The following ADARB2 variants were observed in gnomAD, a reference collection of about 807,000 sequenced individuals.
ADARB2 encodes the protein inactive double-stranded RNA-specific editase B2.
ADARB2 carries 25 observed loss-of-function variants against 62.2 expected under a neutral mutation model. That is an observed-to-expected ratio of 0.40 (90% CI 0.29 to 0.56). The LOEUF is 0.56. Among genes scored for constraint, ADARB2 ranks in the 20% least tolerant of loss-of-function variants. The probability of loss-of-function intolerance (pLI) is 0.43; values close to 1 mark genes in which losing one functional copy is unlikely to be tolerated. For synonymous variants in ADARB2, 572 were observed against 500.8 expected (o/e 1.14, Z -1.90); for missense variants, 1,071 against 1,077.4 (o/e 0.99, Z 0.08).
intron 3 of ADARB2, among the ~76,000 whole-genome samples, chr10:1,353,559 G>A (rs928023796): frequency 1.3e-5 from 2 of 151,992 alleles, no homozygotes; most frequent in Admixed American, 6.6e-5. Context: ...GCCCTCCTCC[G>A]CACTTACTTA....
At chr10:1,618,664 G>A (rs1025112023) in intron 1 of ADARB2, among the ~76,000 whole-genome samples, 1 of 151,988 alleles carries the variant, frequency 6.6e-6, no homozygotes, top group Non-Finnish European at 1.5e-5. Flanking sequence ...CCCCTCTCAG[G>A]CTCCCAAAAG....
chr10:1,395,953 C>A (rs1170178494), intron 1 of ADARB2, among the ~76,000 whole-genome samples: 1 of 152,254 alleles, frequency 6.6e-6, no homozygotes, highest in Non-Finnish European at 1.5e-5. Context: ...ACCCTCCTAG[C>A]AGGGTGCCCT....
chr10:1,351,209 C>T (rs1014759367), intron 3 of ADARB2, among the ~76,000 whole-genome samples: 1 of 152,212 alleles, frequency 6.6e-6, no homozygotes, highest in African/African-American at 2.4e-5. Flanking sequence ...CTCGGCTTAG[C>T]GCTTGAAGAC....
chr10:1,583,266 T>C (rs1234606186), intron 1 of ADARB2, among the ~76,000 whole-genome samples: 1 of 152,220 alleles, frequency 6.6e-6, no homozygotes, highest in African/African-American at 2.4e-5. Flanking sequence ...GGGGTCACTG[T>C]CATAAAAACA....
At chr10:1,215,964 G>A (rs1322079984) in intron 7 of ADARB2, 1 of 151,830 alleles carries the variant, frequency 6.6e-6, no homozygotes, top group African/African-American at 2.4e-5. Context: ...ATCCACGTTG[G>A]GGAGGCCTCA....
At chr10:1,441,188 A>G (rs1423820582) in intron 1 of ADARB2, among the ~76,000 whole-genome samples, 1 of 152,224 alleles carries the variant, frequency 6.6e-6, no homozygotes, top group Non-Finnish European at 1.5e-5. Context: ...TTCATTATGC[A>G]TTTAGAGAAG....
intron 1 of ADARB2, among the ~76,000 whole-genome samples, chr10:1,576,326 CAG>C (rs1274686329): frequency 1.4e-5 from 2 of 147,908 alleles, no homozygotes; most frequent in African/African-American, 5.0e-5. Context: ...GGATGGGTCT[CAG>C]GGTCACAGGA....
At chr10:1,723,857 C>T (rs1356304770) in intron 1 of ADARB2, among the ~76,000 whole-genome samples, 4 of 152,254 alleles carry the variant, frequency 2.6e-5, no homozygotes, top group South Asian at 4.1e-4. Flanking sequence ...ACCCTGGAGA[C>T]GTGATGGTTT....
chr10:1,254,940 T>C (rs1272404664), intron 4 of ADARB2, among the ~76,000 whole-genome samples: 1 of 152,258 alleles, frequency 6.6e-6, no homozygotes, highest in African/African-American at 2.4e-5. Flanking sequence ...ATGCTGACTC[T>C]GTCCAACTGT....
At chr10:1,581,725 G>T (rs1384486294) in intron 1 of ADARB2, among the ~76,000 whole-genome samples, 2 of 152,112 alleles carry the variant, frequency 1.3e-5, no homozygotes, top group African/African-American at 2.4e-5. Flanking sequence ...AGCACATACA[G>T]ATGAGAGAAC....
chr10:1,568,254 T>C (rs932535788), intron 1 of ADARB2, among the ~76,000 whole-genome samples: 5 of 151,994 alleles, frequency 3.3e-5, no homozygotes, highest in African/African-American at 1.2e-4. Flanking sequence ...CCTATATTGG[T>C]CTAGATGGAG....
In ADARB2 at chr10:1,507,920, G is replaced by A. The variant is rs1831872590; in HGVS notation, c.101-128760C>T. Among the ~76,000 whole-genome samples, 5 of 152,134 alleles carry A rather than the reference G, an allele frequency of 3.3e-5. No individual in the cohort carries two copies. The South Asian group carries it at 1.0e-3, about 32-fold the overall frequency. On this transcript the variant is annotated intron_variant, in intron 1 of 9. Coordinates refer to ENST00000381312, the MANE Select transcript of ADARB2 (RefSeq NM_018702.4). Reference sequence around the variant, plus strand: ...GACAGGCAGCGATGGCTCTTCCACTGGCCTCTGGGTCCTTCAGAACTAGTA... The same window carrying A: ...GACAGGCAGCGATGGCTCTTCCACTAGCCTCTGGGTCCTTCAGAACTAGTA...
intron 1 of ADARB2, among the ~76,000 whole-genome samples, chr10:1,732,701 TGGCCAGCCA>T (rs1309895914): frequency 6.6e-6 from 1 of 152,210 alleles, no homozygotes; most frequent in East Asian, 1.9e-4. Context: ...ACTGTGTCCC[TGGCCAGCCA>T]GGGTGACACC....
rs1835314558 is a variant in ADARB2 at position 1,737,298 on chromosome 10, G to C, written c.-148C>G. The stretch of plus-strand genomic sequence containing the variant: ...TTTTCAGGACTGAGCAGGAAAGCGC[G>C]CTCCGTCTCTCTGTCTCTCGAATTG... On this transcript the variant is annotated 5_prime_UTR_variant, in exon 1 of 10. Coordinates refer to ENST00000381312, the MANE Select transcript of ADARB2 (RefSeq NM_018702.4). 1.4e-6 allele frequency: 1 copy of C among 713,094 alleles called. No individual in the cohort carries two copies. The highest frequency in any genetic ancestry group is 2.7e-5 in the East Asian group (1 of 36,792). 44.2% of individuals were successfully genotyped at this position (713,094 alleles called of 1,614,324 possible). A position where few individuals can be genotyped will look rare whatever the true frequency, so the allele number is the denominator to read the frequency against.
chr10:1,514,827 A>G (rs1327847559), intron 1 of ADARB2, among the ~76,000 whole-genome samples: 1 of 152,204 alleles, frequency 6.6e-6, no homozygotes, highest in Non-Finnish European at 1.5e-5. Flanking sequence ...CTTGCCAAGT[A>G]CATGGAAAAT....
chr10:1,372,471 A>C (rs1832381587), intron 2 of ADARB2, among the ~76,000 whole-genome samples: 2 of 30,342 alleles, frequency 6.6e-5, no homozygotes, highest in African/African-American at 7.1e-5. Flanking sequence ...AAATTAAATT[A>C]AATTAAAAAA....
At chr10:1,274,325 G>A (rs11250378) in intron 3 of ADARB2, among the ~76,000 whole-genome samples, 38,346 of 152,206 alleles carry the variant, frequency 0.25, 6,053 homozygotes, top group South Asian at 0.5. Context: ...CCGATTCTGG[G>A]TGATTCATGG....
intron 1 of ADARB2, among the ~76,000 whole-genome samples, chr10:1,600,247 G>C (rs1460886988): frequency 6.6e-6 from 1 of 152,282 alleles, no homozygotes; most frequent in Non-Finnish European, 1.5e-5. Context: ...GGGATGGGGT[G>C]CTGAGGCCTG....
At chr10:1,215,074 G>A (rs2131752662) in intron 7 of ADARB2, among the ~76,000 whole-genome samples, 1 of 152,300 alleles carries the variant, frequency 6.6e-6, no homozygotes, top group Non-Finnish European at 1.5e-5. Context: ...GGCGGGGGCA[G>A]GTGCGGCGGG....
Sources: gnomAD v4.1 joint callset for allele counts (sites outside exome capture counted in the v4.1 genomes callset) on GRCh38, gnomAD v4.1.1 for gene constraint, MANE v1.5 for transcripts, NCBI Gene and HGNC (gene_info 2026-07-23, HGNC 2026-07-21) for gene names.